KCNH7: variants seen among roughly 807,000 people sequenced by gnomAD.
KCNH7 encodes potassium voltage-gated channel subfamily H member 7, also known as voltage-gated inwardly rectifying potassium channel KCNH7.
In KCNH7, 49 loss-of-function variants were observed where a neutral mutation model predicts 120.8. That is an observed-to-expected ratio of 0.41 (90% confidence interval 0.32 to 0.51). The LOEUF is 0.51. Ranked by LOEUF, KCNH7 falls within the 20% of genes least tolerant of loss-of-function variation. The pLI, the probability that KCNH7 is intolerant of heterozygous loss-of-function variation, is 0.38. For synonymous variants in KCNH7, 547 were observed against 516.1 expected (o/e 1.06, Z -0.81); for missense variants, 1,097 against 1,446.6 (o/e 0.76, Z 3.92).
chr2:162,459,210 G>A (rs2105598964), intron 6 of KCNH7, among the ~76,000 whole-genome samples: 1 of 151,890 alleles, frequency 6.6e-6, no homozygotes, highest in South Asian at 2.1e-4. Flanking sequence ...CAGAAAAAAG[G>A]CATAACCAGT....
At chr2:162,458,934 G>A (rs542054652) in intron 6 of KCNH7, among the ~76,000 whole-genome samples, 9 of 151,560 alleles carry the variant, frequency 5.9e-5, no homozygotes, top group Non-Finnish European at 5.9e-5. Flanking sequence ...TGAGCCCAAG[G>A]AGGTTGAGGC....
intron 2 of KCNH7, among the ~76,000 whole-genome samples, chr2:162,548,837 T>A (rs758967109): frequency 2.0e-5 from 3 of 152,176 alleles, no homozygotes; most frequent in Non-Finnish European, 2.9e-5. Context: ...ATAAGCAGTA[T>A]CTGTAAAAAG....
At chr2:162,542,496 C>CAG (rs1336021232) in intron 2 of KCNH7, among the ~76,000 whole-genome samples, 1 of 147,100 alleles carries the variant, frequency 6.8e-6, no homozygotes, top group Non-Finnish European at 1.5e-5. Flanking sequence ...TGAGAACATG[C>CAG]AGCGTTTGGC....
At chr2:162,389,491 G>A (rs1686679634) in intron 12 of KCNH7, among the ~76,000 whole-genome samples, 1 of 152,000 alleles carries the variant, frequency 6.6e-6, no homozygotes, top group Non-Finnish European at 1.5e-5. Context: ...AAGGTATAGA[G>A]AAGGGATATT....
intron 2 of KCNH7, among the ~76,000 whole-genome samples, chr2:162,806,183 A>G (rs1030542646): frequency 2.0e-5 from 3 of 152,158 alleles, no homozygotes; most frequent in Non-Finnish European, 2.9e-5. Flanking sequence ...ATTCACCACT[A>G]TGTAATTCAT....
intron 2 of KCNH7, among the ~76,000 whole-genome samples, chr2:162,752,788 T>C (rs977365384): frequency 2.3e-4 from 34 of 150,394 alleles, no homozygotes; most frequent in African/African-American, 7.3e-4. Context: ...TAATCCCAGC[T>C]ATTCAGGAGG....
At position 162,499,956 on chromosome 2, in the gene KCNH7, C is replaced by T. The variant is rs77232498; in HGVS notation, c.1128+4487G>A. On this transcript the variant is annotated intron_variant, in intron 6 of 15. Coordinates refer to ENST00000332142, the MANE Select transcript of KCNH7 (RefSeq NM_033272.4). Reference sequence around the variant, plus strand: ...GTAGCTAAGGTTTCCTCTCTCAGCACCATCTGCACACACAGTGTTTACCCA... The same window carrying T: ...GTAGCTAAGGTTTCCTCTCTCAGCATCATCTGCACACACAGTGTTTACCCA... Among the ~76,000 whole-genome samples, 541 of 152,028 alleles carry T rather than the reference C, an allele frequency of 3.6e-3. 17 individuals carry two copies. In the East Asian group the frequency reaches 0.09, roughly 25 times the overall value.
intron 6 of KCNH7, among the ~76,000 whole-genome samples, chr2:162,457,178 A>G (rs1688992885): frequency 6.6e-6 from 1 of 152,158 alleles, no homozygotes; most frequent in African/African-American, 2.4e-5. Flanking sequence ...ATAGGATTCT[A>G]AGAAGCCAAT....
chr2:162,409,949 A>C (rs147274109), intron 9 of KCNH7, among the ~76,000 whole-genome samples: 2 of 152,112 alleles, frequency 1.3e-5, no homozygotes, highest in South Asian at 2.1e-4. Context: ...AAAAATTGAA[A>C]AACATTTCAT....
chr2:162,782,599 G>A (rs747895254), intron 2 of KCNH7, among the ~76,000 whole-genome samples: 27 of 152,130 alleles, frequency 1.8e-4, no homozygotes, highest in Admixed American at 3.3e-4. Flanking sequence ...CAAACTTCGT[G>A]GGTCATTGTA....
At chr2:162,527,807 A>G (rs1691765260) in intron 3 of KCNH7, 1 of 152,052 alleles carries the variant, frequency 6.6e-6, no homozygotes, top group African/African-American at 2.4e-5. Flanking sequence ...TACACTTTAA[A>G]AATTACTATA....
intron 2 of KCNH7, among the ~76,000 whole-genome samples, chr2:162,826,624 A>T (rs1685298369): frequency 6.6e-6 from 1 of 152,186 alleles, no homozygotes; most frequent in Non-Finnish European, 1.5e-5. Flanking sequence ...AATGACAAAC[A>T]CAAGATGGTG....
intron 1 of KCNH7, among the ~76,000 whole-genome samples, chr2:162,837,151 T>G (rs2105632898): frequency 6.6e-6 from 1 of 152,324 alleles, no homozygotes; most frequent in East Asian, 1.9e-4. Flanking sequence ...CAGTGAAACA[T>G]TCTGTAGTTG....
rs547040332 is a variant in KCNH7, at chr2:162,708,029, T to G, written c.307+128508A>C. On this transcript the variant is annotated intron_variant, in intron 2 of 15. Coordinates refer to ENST00000332142, the MANE Select transcript of KCNH7 (RefSeq NM_033272.4). ...CCATTTCTCTTGCCTACCCTATTTT[T>G]CTTGGTGGCTCTCTTAATTTCCACA... Among the ~76,000 whole-genome samples the G allele has an allele frequency of 2.2e-3, 340 of 152,186 alleles. 3 individuals carry two copies. The highest frequency in any genetic ancestry group is 0.021 in the South Asian group (100 of 4,820).
chr2:162,716,443 C>CT lies in KCNH7; in HGVS notation c.307+120093dup, dbSNP rs1373412438. 6.6e-5 allele frequency among the ~76,000 whole-genome samples: 10 copies of CT among 152,238 alleles called. No homozygotes were observed. The East Asian group carries it at 1.9e-3, about 29-fold the overall frequency. On this transcript the variant is annotated intron_variant, in intron 2 of 15. Coordinates refer to ENST00000332142, the MANE Select transcript of KCNH7 (RefSeq NM_033272.4). ...GACTTTTAAACAGATAGCATTTTCT[C>CT]TGAGTCTCAGGATTCTTGTCTGTTA... is the stretch of plus-strand genomic sequence containing the variant.
intron 12 of KCNH7, among the ~76,000 whole-genome samples, chr2:162,389,109 A>G (rs1686665851): frequency 6.6e-6 from 1 of 152,002 alleles, no homozygotes; most frequent in Non-Finnish European, 1.5e-5. Context: ...CACTGTTTGA[A>G]TGTTTCACTC....
intron 3 of KCNH7, among the ~76,000 whole-genome samples, chr2:162,521,977 C>T (rs756061405): frequency 2.0e-5 from 3 of 151,796 alleles, no homozygotes; most frequent in Non-Finnish European, 2.9e-5. Context: ...AAAGACATGA[C>T]AATGTGCAGA....
chr2:162,395,583 G>A (rs1392876468), intron 11 of KCNH7, among the ~76,000 whole-genome samples: 1 of 151,566 alleles, frequency 6.6e-6, no homozygotes, highest in East Asian at 2.0e-4. Context: ...TACTTTTCAA[G>A]GCAAAGTCAG....
At chr2:162,782,768 GCATCCTCACCAAGGC>G (rs1683548468) in intron 2 of KCNH7, among the ~76,000 whole-genome samples, 1 of 152,180 alleles carries the variant, frequency 6.6e-6, no homozygotes, top group Admixed American at 6.5e-5. Context: ...GGACGCTGAA[GCATCCTCACCAAGGC>G]CATCCATGGA....
Sources: gnomAD v4.1 joint callset for allele counts (sites outside exome capture counted in the v4.1 genomes callset) on GRCh38, gnomAD v4.1.1 for gene constraint, MANE v1.5 for transcripts, NCBI Gene and HGNC (gene_info 2026-07-23, HGNC 2026-07-21) for gene names.